SETBP1: variants seen among roughly 807,000 people sequenced by gnomAD.
The protein encoded by SETBP1 is SET binding protein 1.
SETBP1 carries 9 observed loss-of-function variants against 101.0 expected under a neutral mutation model. The observed-to-expected ratio is 0.09, with a 90% CI of 0.05 to 0.16. The LOEUF (loss-of-function observed/expected upper bound fraction) is 0.16, where lower values mean the gene tolerates loss of function less well. Among genes scored for constraint, SETBP1 ranks in the 10% least tolerant of loss-of-function variants. The pLI, the probability that SETBP1 is intolerant of heterozygous loss-of-function variation, is 1.00. For missense variants in SETBP1, 1,858 were observed against 2,033.8 expected (o/e 0.91, Z 1.66); for synonymous variants, 818 against 788.5 (o/e 1.04, Z -0.63).
chr18:44,740,096 G>A (rs1339212617), intron 2 of SETBP1, among the ~76,000 whole-genome samples: 3 of 152,160 alleles, frequency 2.0e-5, no homozygotes, highest in Non-Finnish European at 2.9e-5. Context: ...TGATAGATTT[G>A]GCTGGCCTTG....
chr18:44,942,603 C>T (rs2071111160), intron 3 of SETBP1, among the ~76,000 whole-genome samples: 1 of 152,284 alleles, frequency 6.6e-6, no homozygotes, highest in African/African-American at 2.4e-5. Context: ...TCTGGAACCT[C>T]GTGAGTTTCC....
intron 3 of SETBP1, among the ~76,000 whole-genome samples, chr18:44,876,316 C>G (rs1382129574): frequency 6.6e-6 from 1 of 152,166 alleles, no homozygotes; most frequent in African/African-American, 2.4e-5. Flanking sequence ...TAAGGAAATC[C>G]TGCAGCTGCT....
Position 44,868,898 on chromosome 18 carries a change from A to G in SETBP1, c.487-332A>G, listed in dbSNP as rs531851575. Among the ~76,000 whole-genome samples the G allele has an allele frequency of 4.6e-4, 70 of 152,334 alleles. No homozygotes were observed. In the Middle Eastern group the frequency reaches 0.031, roughly 67 times the overall value. ...AGGAAATATATACATCTATAGATTC[A>G]CACATACTTACAATTTCAGGGAGCC... On this transcript the variant is annotated intron_variant, in intron 2 of 5. Transcript: ENST00000649279.
chr18:44,722,231 G>A (rs538579090), intron 2 of SETBP1, among the ~76,000 whole-genome samples: 2 of 152,296 alleles, frequency 1.3e-5, no homozygotes, highest in South Asian at 4.1e-4. Flanking sequence ...TCTAAGCTCA[G>A]TAGGAGAGGA....
At chr18:44,763,965 A>G (rs914733394) in intron 2 of SETBP1, among the ~76,000 whole-genome samples, 1 of 152,196 alleles carries the variant, frequency 6.6e-6, no homozygotes, top group Non-Finnish European at 1.5e-5. Context: ...ACACACATAG[A>G]ACACCAAATG....
At chr18:44,817,845 C>A (rs2072017114) in intron 2 of SETBP1, among the ~76,000 whole-genome samples, 1 of 152,140 alleles carries the variant, frequency 6.6e-6, no homozygotes, top group African/African-American at 2.4e-5. Context: ...ACTGCACTTT[C>A]CAAACTGAAA....
intron 3 of SETBP1, chr18:44,869,541 G>C (rs923238883): frequency 4.1e-6 from 2 of 482,746 alleles, no homozygotes; most frequent in Non-Finnish European, 7.6e-6. Context: ...CAAGATGCTC[G>C]GAATGTTAAG....
intron 4 of SETBP1, among the ~76,000 whole-genome samples, chr18:45,027,597 C>G (rs1480737509): frequency 6.6e-6 from 1 of 152,168 alleles, no homozygotes; most frequent in Non-Finnish European, 1.5e-5. Context: ...ACGCACTTAA[C>G]TTTAACATAT....
intron 2 of SETBP1, among the ~76,000 whole-genome samples, chr18:44,735,871 G>T (rs1263954257): frequency 6.6e-6 from 1 of 152,158 alleles, no homozygotes; most frequent in East Asian, 1.9e-4. Context: ...GTTGGCTTCT[G>T]GTGAGTCCTT....
intron 4 of SETBP1, among the ~76,000 whole-genome samples, chr18:44,971,815 A>G (rs1014034600): frequency 6.6e-6 from 1 of 152,096 alleles, no homozygotes; most frequent in Non-Finnish European, 1.5e-5. Context: ...ATTTTCTCCC[A>G]TTCTGTAGGT....
At chr18:44,683,715 G>A (rs2068794373) in intron 1 of SETBP1, among the ~76,000 whole-genome samples, 2 of 152,180 alleles carry the variant, frequency 1.3e-5, no homozygotes, top group African/African-American at 4.8e-5. Context: ...GGCTGGGCCT[G>A]GACCTCCCAG....
At chr18:45,022,545 A>G (rs747199955) in intron 4 of SETBP1, among the ~76,000 whole-genome samples, 1 of 152,188 alleles carries the variant, frequency 6.6e-6, no homozygotes, top group Non-Finnish European at 1.5e-5. Context: ...ATTAGCATCT[A>G]CAGGCCAGGC....
intron 2 of SETBP1, among the ~76,000 whole-genome samples, chr18:44,784,925 T>A (rs1355028280): frequency 6.6e-6 from 1 of 152,120 alleles, no homozygotes; most frequent in Non-Finnish European, 1.5e-5. Context: ...AAATCTGGAG[T>A]GATTGTGAGA....
chr18:44,728,689 A>G (rs1403790630), intron 2 of SETBP1, among the ~76,000 whole-genome samples: 5 of 152,230 alleles, frequency 3.3e-5, no homozygotes, highest in Admixed American at 1.3e-4. Context: ...GGGGGCAGGG[A>G]GAGAAAGCTC....
At chr18:45,023,401 G>A (rs893392584) in intron 4 of SETBP1, among the ~76,000 whole-genome samples, 10 of 151,858 alleles carry the variant, frequency 6.6e-5, no homozygotes, top group African/African-American at 2.4e-4. Context: ...CTGGATATTC[G>A]GCTACCCAAA....
chr18:44,950,469 G>A lies in SETBP1; in HGVS notation c.1129G>A (p.Ala377Thr). Reference sequence around the variant, plus strand: ...AAGGGAAGGTTATTCCGCAGATAGTGCCCAAGAGGCATCACCAGCCAGGCA... The same window carrying A: ...AAGGGAAGGTTATTCCGCAGATAGTACCCAAGAGGCATCACCAGCCAGGCA... ...GKREGYSADS[A>T]QEASPARQNV... Residue 377 changes from alanine (A) to threonine (T), a missense_variant, in exon 4 of 6, where the codon GCC becomes ACC. Coordinates refer to ENST00000649279, the MANE Select transcript of SETBP1 (RefSeq NM_015559.3). 2 of 1,614,152 alleles carry A rather than the reference G, an allele frequency of 1.2e-6. No homozygotes were observed. The highest frequency in any genetic ancestry group is 2.7e-5 in the African/African-American group (2 of 75,068).
At chr18:45,013,679 C>A (rs1218076409) in intron 4 of SETBP1, among the ~76,000 whole-genome samples, 1 of 152,166 alleles carries the variant, frequency 6.6e-6, no homozygotes, top group Non-Finnish European at 1.5e-5. Flanking sequence ...ACCTCATGAT[C>A]CGCCTGCCTT....
chr18:44,732,449 T>C (rs1045429028), intron 2 of SETBP1: 1 of 152,190 alleles, frequency 6.6e-6, no homozygotes, highest in Admixed American at 6.5e-5. Flanking sequence ...TCCCGACGGA[T>C]ATATAAGTGA....
intron 2 of SETBP1, among the ~76,000 whole-genome samples, chr18:44,861,414 T>G (rs1220083074): frequency 1.3e-5 from 2 of 151,710 alleles, no homozygotes; most frequent in African/African-American, 4.8e-5. Context: ...AATTTTTTTT[T>G]TATTTTTAAT....
Sources: gnomAD v4.1 joint callset for allele counts (sites outside exome capture counted in the v4.1 genomes callset) on GRCh38, gnomAD v4.1.1 for gene constraint, MANE v1.5 for transcripts, NCBI Gene and HGNC (gene_info 2026-07-23, HGNC 2026-07-21) for gene names.